KIAA1549L: variants seen among roughly 807,000 people sequenced by gnomAD.
KIAA1549L encodes KIAA1549 like, also known as UPF0606 protein KIAA1549L.
Under a neutral mutation model 160.7 loss-of-function variants are expected in KIAA1549L, and 88 were observed. The ratio of observed to expected loss-of-function variants is 0.55; its 90% CI spans 0.46 to 0.65. The LOEUF is 0.65. KIAA1549L is among the 30% of genes least tolerant of loss of function. The pLI, the probability that KIAA1549L is intolerant of heterozygous loss-of-function variation, is 0.00. For missense variants in KIAA1549L, 2,258 were observed against 2,437.5 expected (o/e 0.93, Z 1.55); for synonymous variants, 950 against 976.7 (o/e 0.97, Z 0.51).
chr11:33,651,954 C>T (rs1210161115), intron 17 of KIAA1549L, among the ~76,000 whole-genome samples: 1 of 136,300 alleles, frequency 7.3e-6, no homozygotes, highest in East Asian at 2.4e-4. Flanking sequence ...TTCCCTCCTT[C>T]CTTCCATGTT....
At chr11:33,555,782 A>G (rs1854626785) in intron 6 of KIAA1549L, among the ~76,000 whole-genome samples, 1 of 152,228 alleles carries the variant, frequency 6.6e-6, no homozygotes. Flanking sequence ...TGACACAGGC[A>G]AACAAAAGAA....
At chr11:33,503,008 G>C (rs1297619048) in intron 1 of KIAA1549L, among the ~76,000 whole-genome samples, 2 of 152,096 alleles carry the variant, frequency 1.3e-5, no homozygotes, top group East Asian at 3.8e-4. Context: ...TGCACACACT[G>C]TAAGTATATA....
At chr11:33,604,459 A>G (rs1275018264) in intron 13 of KIAA1549L, among the ~76,000 whole-genome samples, 1 of 152,228 alleles carries the variant, frequency 6.6e-6, no homozygotes, top group East Asian at 1.9e-4. Context: ...ACTCCTGGGT[A>G]TCTACCCAAA....
intron 6 of KIAA1549L, among the ~76,000 whole-genome samples, chr11:33,553,862 G>A (rs1454246001): frequency 1.3e-5 from 2 of 152,174 alleles, no homozygotes; most frequent in African/African-American, 4.8e-5. Context: ...TTGTGTTGTT[G>A]TATGGTAGTT....
chr11:33,636,692 A>G (rs1240744917), intron 16 of KIAA1549L, among the ~76,000 whole-genome samples: 2 of 152,222 alleles, frequency 1.3e-5, no homozygotes, highest in East Asian at 3.8e-4. Context: ...TTCTTTTATT[A>G]TTAGCTATTG....
chr11:33,461,825 G>A (rs934063409), intron 1 of KIAA1549L, among the ~76,000 whole-genome samples: 2 of 152,174 alleles, frequency 1.3e-5, no homozygotes, highest in African/African-American at 2.4e-5. Flanking sequence ...TTGAGGCATC[G>A]AGAGATAGCT....
intron 16 of KIAA1549L, among the ~76,000 whole-genome samples, chr11:33,632,993 G>C (rs1851339432): frequency 6.6e-6 from 1 of 151,634 alleles, no homozygotes; most frequent in Admixed American, 6.6e-5. Context: ...GTTTGTTTTT[G>C]AGACAGAGTT....
At chr11:33,514,275 A>G (rs1361256769) in intron 1 of KIAA1549L, among the ~76,000 whole-genome samples, 1 of 152,234 alleles carries the variant, frequency 6.6e-6, no homozygotes, top group African/African-American at 2.4e-5. Flanking sequence ...TATTTTATGC[A>G]AAGTCATTGA....
intron 8 of KIAA1549L, among the ~76,000 whole-genome samples, chr11:33,567,027 T>C (rs1314994366): frequency 1.3e-5 from 2 of 152,160 alleles, no homozygotes; most frequent in African/African-American, 4.8e-5. Flanking sequence ...GGACTGGACT[T>C]TGAGGGTAGA....
chr11:33,560,427 A>G (rs1184714098), intron 7 of KIAA1549L, among the ~76,000 whole-genome samples: 1 of 152,222 alleles, frequency 6.6e-6, no homozygotes, highest in African/African-American at 2.4e-5. Context: ...TTAGGCCATC[A>G]GCAAACGTTC....
chr11:33,663,858 ACTGTTACG>A (rs1852349194), intron 20 of KIAA1549L, among the ~76,000 whole-genome samples: 2 of 152,222 alleles, frequency 1.3e-5, no homozygotes, highest in South Asian at 4.1e-4. Flanking sequence ...AGGAGCAATA[ACTGTTACG>A]CTGGAGAAAG....
intron 1 of KIAA1549L, among the ~76,000 whole-genome samples, chr11:33,540,882 C>T (rs908530757): frequency 6.6e-6 from 1 of 152,072 alleles, no homozygotes; most frequent in Non-Finnish European, 1.5e-5. Flanking sequence ...AAAATCAAGT[C>T]AACAAACCTG....
intron 1 of KIAA1549L, among the ~76,000 whole-genome samples, chr11:33,445,191 G>A (rs1182020133): frequency 6.6e-6 from 1 of 152,146 alleles, no homozygotes; most frequent in African/African-American, 2.4e-5. Flanking sequence ...GTCTGATGAG[G>A]GCACCATTCT....
rs2133476239 is a variant in KIAA1549L at position 33,671,553 on chromosome 11, G to C, written c.*3399G>C. The C allele has an allele frequency of 6.9e-6, 1 of 145,344 alleles. No individual in the cohort carries two copies. Among genetic ancestry groups the C allele is most frequent in the East Asian group, 2.0e-4 (1 of 4,940 alleles). 9.0% of individuals were successfully genotyped at this position (145,344 alleles called of 1,614,324 possible). On this transcript the variant is annotated 3_prime_UTR_variant, in exon 21 of 21. Transcript: ENST00000658780. ...CATGTAATGTCTGAGTAATCTTGATGGAAGAAAGGAAATAGATCTGTGATT... is the reference window on the plus strand; with the variant it reads ...CATGTAATGTCTGAGTAATCTTGATCGAAGAAAGGAAATAGATCTGTGATT...
intron 1 of KIAA1549L, among the ~76,000 whole-genome samples, chr11:33,438,300 G>A (rs1851421752): frequency 6.6e-6 from 1 of 152,162 alleles, no homozygotes; most frequent in Non-Finnish European, 1.5e-5. Flanking sequence ...CTGGTGACCA[G>A]TTTAGACACA....
At chr11:33,466,474 G>A (rs1436479210) in intron 1 of KIAA1549L, among the ~76,000 whole-genome samples, 1 of 152,204 alleles carries the variant, frequency 6.6e-6, no homozygotes, top group Non-Finnish European at 1.5e-5. Flanking sequence ...AATAACAGAC[G>A]CTGGAGAGGA....
intron 1 of KIAA1549L, among the ~76,000 whole-genome samples, chr11:33,470,840 A>T (rs975978272): frequency 2.6e-5 from 4 of 152,094 alleles, no homozygotes; most frequent in Non-Finnish European, 2.9e-5. Flanking sequence ...TGTTTTGGTT[A>T]TTCTGTGTCC....
intron 11 of KIAA1549L, among the ~76,000 whole-genome samples, chr11:33,584,917 A>G (rs1416659400): frequency 6.6e-6 from 1 of 152,220 alleles, no homozygotes; most frequent in Non-Finnish European, 1.5e-5. Flanking sequence ...CTCACATTCC[A>G]GAGCCATTGG....
At chr11:33,610,629 A>G (rs985807425) in intron 15 of KIAA1549L, among the ~76,000 whole-genome samples, 1 of 152,190 alleles carries the variant, frequency 6.6e-6, no homozygotes, top group Non-Finnish European at 1.5e-5. Context: ...AATCACCCCA[A>G]AAGTTTATTA....
Sources: allele counts gnomAD v4.1 joint callset (sites outside exome capture counted in the v4.1 genomes callset), GRCh38; gene constraint gnomAD v4.1.1; transcripts MANE v1.5; gene names NCBI Gene and HGNC (gene_info 2026-07-23, HGNC 2026-07-21).